The following PCDH7 variants were observed in gnomAD, a reference collection of about 807,000 sequenced individuals.
PCDH7 encodes the protein protocadherin-7.
In PCDH7, 17 loss-of-function variants were observed where a neutral mutation model predicts 58.9. The observed-to-expected ratio is 0.29, with a 90% CI of 0.20 to 0.43. The LOEUF (loss-of-function observed/expected upper bound fraction) is 0.43. Ranked by LOEUF, PCDH7 falls within the 20% of genes least tolerant of loss-of-function variation. PCDH7 has a pLI of 1.00. For missense variants in PCDH7, 1,274 were observed against 1,441.0 expected (o/e 0.88, Z 1.88); for synonymous variants, 664 against 616.4 (o/e 1.08, Z -1.14).
intron 3 of PCDH7, among the ~76,000 whole-genome samples, chr4:31,108,772 C>T (rs1715919488): frequency 6.6e-6 from 1 of 151,928 alleles, no homozygotes; most frequent in South Asian, 2.1e-4. Context: ...GCATTATATG[C>T]ATTAGTCATA....
chr4:30,859,585 G>A (rs535731944), intron 1 of PCDH7, among the ~76,000 whole-genome samples: 10 of 151,800 alleles, frequency 6.6e-5, no homozygotes, highest in African/African-American at 1.7e-4. Flanking sequence ...GATTACAGGC[G>A]CCCACCACAA....
chr4:30,942,319 A>G (rs1388777790), intron 2 of PCDH7, among the ~76,000 whole-genome samples: 1 of 152,000 alleles, frequency 6.6e-6, no homozygotes, highest in Admixed American at 6.6e-5. Context: ...ATTGATTAGT[A>G]TAAAACATAC....
chr4:31,042,110 C>T (rs1462365319), intron 3 of PCDH7, among the ~76,000 whole-genome samples: 2 of 152,064 alleles, frequency 1.3e-5, no homozygotes, highest in Non-Finnish European at 2.9e-5. Context: ...AGTGTGCAGC[C>T]TCAGTAATGT....
exon 2 of PCDH7, chr4:30,730,966 T>G (rs987674027): frequency 3.1e-6 from 4 of 1,282,464 alleles, no homozygotes; most frequent in Admixed American, 3.8e-5. Flanking sequence ...AGTATGAAAA[T>G]AAAATAAATG....
intron 1 of PCDH7, among the ~76,000 whole-genome samples, chr4:30,849,248 A>G (rs527737451): frequency 3.1e-4 from 47 of 152,206 alleles, no homozygotes; most frequent in African/African-American, 1.1e-3. Flanking sequence ...CTCCCCTCCA[A>G]AAACCACTCT....
At chr4:31,082,849 C>T (rs1711710928) in intron 3 of PCDH7, among the ~76,000 whole-genome samples, 1 of 152,150 alleles carries the variant, frequency 6.6e-6, no homozygotes. Flanking sequence ...GGCCTGTAAT[C>T]CCAGCACTTT....
intron 3 of PCDH7, among the ~76,000 whole-genome samples, chr4:30,981,519 G>T (rs1750566836): frequency 6.6e-6 from 1 of 152,104 alleles, no homozygotes; most frequent in African/African-American, 2.4e-5. Context: ...GAACTATCTG[G>T]TGCCTTGCAG....
At chr4:30,862,805 T>C (rs2109355452) in intron 1 of PCDH7, among the ~76,000 whole-genome samples, 1 of 152,134 alleles carries the variant, frequency 6.6e-6, no homozygotes, top group African/African-American at 2.4e-5. Flanking sequence ...AAATATTTTT[T>C]CTCTTGACAT....
intron 1 of PCDH7, among the ~76,000 whole-genome samples, chr4:30,899,122 A>G (rs922568908): frequency 4.6e-5 from 7 of 152,158 alleles, no homozygotes; most frequent in Admixed American, 1.3e-4. Flanking sequence ...TGCAAAATTG[A>G]TTTGTTACTG....
chr4:31,095,985 A>G (rs1713921765), intron 3 of PCDH7, among the ~76,000 whole-genome samples: 1 of 152,204 alleles, frequency 6.6e-6, no homozygotes, highest in Non-Finnish European at 1.5e-5. Context: ...ATCATCAGAC[A>G]CTGCATCTCC....
chr4:30,844,997 C>T (rs1731729778), intron 1 of PCDH7, among the ~76,000 whole-genome samples: 1 of 152,108 alleles, frequency 6.6e-6, no homozygotes, highest in Non-Finnish European at 1.5e-5. Context: ...GTTTTCTTTT[C>T]CTTCTTTCCC....
Position 31,074,784 on chromosome 4 carries a change from C to CAAAAAAAAAAAAAAA in PCDH7, c.*8-67680_*8-67666dup, listed in dbSNP as rs1157267696. 3.3e-3 allele frequency among the ~76,000 whole-genome samples: 173 copies of CAAAAAAAAAAAAAAA among 52,464 alleles called. 40 individuals are homozygous for CAAAAAAAAAAAAAAA. The East Asian group carries it at 0.12, about 37-fold the overall frequency. 34.4% of individuals were successfully genotyped at this position (52,464 alleles called of 152,430 possible). On this transcript the variant is annotated intron_variant, in intron 3 of 3. Coordinates refer to the PCDH7 transcript ENST00000509759. ...TGGGCTACAGAGGGAGATTCCGTCTCAAAAAAAAAAAAAAAAAAAAAAAGC... is the reference window on the plus strand; with the variant it reads ...TGGGCTACAGAGGGAGATTCCGTCTCAAAAAAAAAAAAAAAAAAAAAAAAAAAAAAAAAAAAAAGC...
intron 3 of PCDH7, among the ~76,000 whole-genome samples, chr4:31,044,205 GA>G (rs146014684): frequency 0.088 from 13,377 of 152,170 alleles, 697 homozygotes; most frequent in South Asian, 0.18. Flanking sequence ...GGGCTGGAAA[GA>G]AATTAGCAGG....
rs752040615 is a variant in PCDH7, at chr4:30,722,611, G to C, written c.1189G>C (p.Asp397His). The change falls in exon 1 of 2, where the codon GAC becomes CAC. Residue 397 changes from aspartate to histidine, a missense_variant. Asp to His is a moderately conservative substitution (Grantham distance 81). This residue lies in a region of PCDH7 where 731 missense variants were observed against 881.9 expected (regional missense o/e 0.83). Transcript: ENST00000361762. This position sits in a 1 kb window ranked among gnomAD's most constrained non-coding sequence, Gnocchi z 7.6. Reference sequence around the variant, plus strand: ...CGACCGCGGGCAGCCCCCCAAGACCGACAAGGCCACCGTGGTCCTTAACAT... The same window carrying C: ...CGACCGCGGGCAGCCCCCCAAGACCCACAAGGCCACCGTGGTCCTTAACAT... The C allele has an allele frequency of 3.7e-6, 6 of 1,613,170 alleles. No individual in the cohort carries two copies. The highest frequency in any genetic ancestry group is 1.3e-5 in the African/African-American group (1 of 74,954).
intron 3 of PCDH7, among the ~76,000 whole-genome samples, chr4:31,133,381 ATCC>A (rs1719214957): frequency 6.6e-6 from 1 of 152,216 alleles, no homozygotes; most frequent in African/African-American, 2.4e-5. Flanking sequence ...ATATAGGAAA[ATCC>A]AAGGGACAAG....
chr4:30,879,790 A>G (rs1467245414), intron 1 of PCDH7, among the ~76,000 whole-genome samples: 2 of 152,138 alleles, frequency 1.3e-5, no homozygotes, highest in South Asian at 2.1e-4. Context: ...AATTCTGAAA[A>G]ACACAGTAGC....
At chr4:30,821,587 G>A (rs566091492) in intron 1 of PCDH7, among the ~76,000 whole-genome samples, 6 of 152,256 alleles carry the variant, frequency 3.9e-5, no homozygotes, top group Admixed American at 2.0e-4. Flanking sequence ...CCCCTTAGGC[G>A]GGCCTGAAAT....
chr4:31,079,309 GATATATATATATATATATAT>G (rs149501069), intron 3 of PCDH7, among the ~76,000 whole-genome samples: 714 of 67,452 alleles, frequency 0.011, 24 homozygotes, highest in Middle Eastern at 0.039. Context: ...AATACTGGAA[GATATATATATATATATATAT>G]ATATATATAT....
chr4:30,874,697 A>G (rs1736069153), intron 1 of PCDH7, among the ~76,000 whole-genome samples: 1 of 148,292 alleles, frequency 6.7e-6, no homozygotes. Flanking sequence ...TAATAATAAT[A>G]AAATAAAAAA....
Sources: gnomAD v4.1 joint callset for allele counts (sites outside exome capture counted in the v4.1 genomes callset) on GRCh38, gnomAD v4.1.1 for gene constraint, gnomAD v4.1.1 regional missense constraint, Gnocchi (gnomAD v3.1) non-coding constraint, MANE v1.5 for transcripts, NCBI Gene and HGNC (gene_info 2026-07-23, HGNC 2026-07-21) for gene names.